The following GPR137C variants were observed in gnomAD, a reference collection of about 807,000 sequenced individuals.
GPR137C encodes the protein integral membrane protein GPR137C.
In GPR137C, 27 loss-of-function variants were observed where a neutral mutation model predicts 43.4. The observed-to-expected ratio is 0.62, with a 90% CI of 0.46 to 0.86. The LOEUF (loss-of-function observed/expected upper bound fraction) is 0.86, where lower values mean the gene tolerates loss of function less well. Among genes scored for constraint, GPR137C ranks in the 40% least tolerant of loss-of-function variants. The pLI is 0.00. For synonymous variants in GPR137C, 285 were observed against 226.9 expected, an observed-to-expected ratio of 1.26 and a Z score of -2.30; for missense variants, 522 against 534.6, an observed-to-expected ratio of 0.98 and a Z score of 0.23.
Position 52,635,599 on chromosome 14 carries a change from C to A in GPR137C, c.*484C>A, listed in dbSNP as rs1280312953. On this transcript the variant is annotated 3_prime_UTR_variant, in exon 7 of 7. Coordinates refer to ENST00000321662, the MANE Select transcript of GPR137C (RefSeq NM_001099652.2). ...ACAGAGTTAAGGCATAAAAATGTATCATTCTTTATAAAAATCTACTGAAAA... is the reference window on the plus strand; with the variant it reads ...ACAGAGTTAAGGCATAAAAATGTATAATTCTTTATAAAAATCTACTGAAAA... 1 of 152,102 alleles carries A rather than the reference C, an allele frequency of 6.6e-6. No homozygotes were observed. The highest frequency in any genetic ancestry group is 2.1e-4 in the South Asian group (1 of 4,834). The allele number at this position is 152,102 out of a possible 1,614,324, so 9.4% of individuals were successfully genotyped here.
At chr14:52,606,649 A>G (rs1269168846) in intron 3 of GPR137C, among the ~76,000 whole-genome samples, 3 of 151,994 alleles carry the variant, frequency 2.0e-5, no homozygotes, top group Non-Finnish European at 4.4e-5. Flanking sequence ...CCAGGCTGCT[A>G]ATGTTTCTCT....
intron 3 of GPR137C, among the ~76,000 whole-genome samples, chr14:52,620,530 G>A (rs8019608): frequency 0.65 from 98,064 of 151,610 alleles, 31,702 homozygotes; most frequent in Middle Eastern, 0.67. Context: ...TCCAGGTCAA[G>A]GTTACAAATA....
In GPR137C at chr14:52,635,789, G is replaced by A. The variant is rs2039346706; in HGVS notation, c.*674G>A. The A allele has an allele frequency of 6.6e-6, 1 of 152,020 alleles. No individual in the cohort carries two copies. Among genetic ancestry groups the A allele is most frequent in the Non-Finnish European group, 1.5e-5 (1 of 67,992 alleles). The allele number at this position is 152,020 out of a possible 1,614,324, so 9.4% of individuals were successfully genotyped here. On this transcript the variant is annotated 3_prime_UTR_variant, in exon 7 of 7. Transcript: ENST00000321662. ...GAAAATATACCAGTGAAAATTGTGT[G>A]GCTATTTTGAGTAGAATTGGTCAGT...
At chr14:52,583,655 A>C (rs1425322451) in intron 1 of GPR137C, among the ~76,000 whole-genome samples, 2 of 152,170 alleles carry the variant, frequency 1.3e-5, no homozygotes, top group Non-Finnish European at 2.9e-5. Flanking sequence ...TATACTTCCC[A>C]ATACTACTTA....
chr14:52,600,234 C>T lies in GPR137C; in HGVS notation c.610C>T (p.Arg204Ter), dbSNP rs1239986899. 8.1e-6 allele frequency: 13 copies of T among 1,613,288 alleles called. No homozygotes were observed. Among genetic ancestry groups the T allele is most frequent in the Admixed American group, 1.7e-5 (1 of 59,988 alleles). Residue 204 changes from arginine (R) to a stop codon, truncating the protein, a stop_gained, in exon 3 of 7, where the codon CGA becomes TGA. Coordinates refer to ENST00000321662, the MANE Select transcript of GPR137C (RefSeq NM_001099652.2). LOFTEE classifies it high-confidence loss of function. ...TCAGTTGAAGTGGACTGTGTTTGTT[C>T]GAGCATTAATTAATGATAGCCTGTT... ...ENQLKWTVFVRALINDSLFIL... is the reference protein window; with the variant it reads ...ENQLKWTVFV
intron 3 of GPR137C, among the ~76,000 whole-genome samples, chr14:52,603,154 A>T (rs1161722998): frequency 6.6e-6 from 1 of 152,072 alleles, no homozygotes. Context: ...CCTCCATGAG[A>T]TCCACTTTTG....
chr14:52,600,837 G>A (rs894615903), intron 3 of GPR137C, among the ~76,000 whole-genome samples: 2 of 152,144 alleles, frequency 1.3e-5, no homozygotes, highest in South Asian at 2.1e-4. Flanking sequence ...AATCATGCTA[G>A]CATCTTAAGA....
At chr14:52,581,963 G>A (rs1168512599) in intron 1 of GPR137C, among the ~76,000 whole-genome samples, 1 of 152,120 alleles carries the variant, frequency 6.6e-6, no homozygotes, top group African/African-American at 2.4e-5. Flanking sequence ...ACATGTCATG[G>A]GTGAAAATAA....
At chr14:52,574,870 A>T (rs1412267969) in intron 1 of GPR137C, among the ~76,000 whole-genome samples, 1 of 152,132 alleles carries the variant, frequency 6.6e-6, no homozygotes, top group African/African-American at 2.4e-5. Context: ...ACAAAAAGCA[A>T]TTCTGCTGTC....
chr14:52,606,093 T>G (rs1292467908), intron 3 of GPR137C, among the ~76,000 whole-genome samples: 1 of 152,208 alleles, frequency 6.6e-6, no homozygotes, highest in African/African-American at 2.4e-5. Context: ...CTCCTTCAAT[T>G]TTTTGAAATT....
intron 3 of GPR137C, among the ~76,000 whole-genome samples, chr14:52,617,311 A>G (rs1211727184): frequency 3.3e-5 from 5 of 152,144 alleles, no homozygotes; most frequent in African/African-American, 1.2e-4. Flanking sequence ...AATATACTTT[A>G]TATTTCTTTT....
intron 1 of GPR137C, among the ~76,000 whole-genome samples, chr14:52,562,818 T>C (rs1184431799): frequency 6.6e-6 from 1 of 152,166 alleles, no homozygotes; most frequent in East Asian, 1.9e-4. Context: ...AATAAGCTAA[T>C]CATCTAATTT....
intron 1 of GPR137C, among the ~76,000 whole-genome samples, chr14:52,568,339 C>T (rs990247278): frequency 1.2e-4 from 18 of 152,184 alleles, no homozygotes; most frequent in African/African-American, 3.9e-4. Context: ...GGTGCCAACA[C>T]CACCAGGGCC....
At chr14:52,578,349 A>G (rs928382179) in intron 1 of GPR137C, among the ~76,000 whole-genome samples, 5 of 151,514 alleles carry the variant, frequency 3.3e-5, no homozygotes, top group Admixed American at 6.6e-5. Flanking sequence ...TTTCTTTCCT[A>G]TTTTGCATCT....
At chr14:52,580,288 C>T (rs2038623236) in intron 1 of GPR137C, among the ~76,000 whole-genome samples, 1 of 151,926 alleles carries the variant, frequency 6.6e-6, no homozygotes, top group South Asian at 2.1e-4. Context: ...TAAATTAAAC[C>T]ATCCCAATTT....
intron 1 of GPR137C, among the ~76,000 whole-genome samples, chr14:52,582,951 A>G (rs1184671560): frequency 1.3e-5 from 2 of 152,186 alleles, no homozygotes; most frequent in African/African-American, 4.8e-5. Context: ...TTTTCTAAAT[A>G]AGGATCTGCT....
At chr14:52,615,046 T>C (rs976385229) in intron 3 of GPR137C, among the ~76,000 whole-genome samples, 1 of 152,232 alleles carries the variant, frequency 6.6e-6, no homozygotes, top group Non-Finnish European at 1.5e-5. Context: ...GACCAATGTC[T>C]TGGAGAGTTT....
intron 1 of GPR137C, among the ~76,000 whole-genome samples, chr14:52,559,045 A>C (rs962658753): frequency 5.3e-5 from 8 of 152,222 alleles, no homozygotes; most frequent in African/African-American, 1.9e-4. Context: ...AAGCCCAACA[A>C]ATCCAAGGTG....
intron 3 of GPR137C, among the ~76,000 whole-genome samples, chr14:52,623,647 A>T (rs1298522831): frequency 1.3e-5 from 2 of 152,224 alleles, no homozygotes; most frequent in Non-Finnish European, 2.9e-5. Context: ...ATTAACATTT[A>T]TAAAGCTTAC....
Sources: allele counts gnomAD v4.1 joint callset (sites outside exome capture counted in the v4.1 genomes callset), GRCh38; gene constraint gnomAD v4.1.1; transcripts MANE v1.5; gene names NCBI Gene and HGNC (gene_info 2026-07-23, HGNC 2026-07-21).